The following IGSF23 variants were observed in gnomAD, a reference collection of about 807,000 sequenced individuals.
IGSF23 encodes the protein immunoglobulin superfamily, member 23.
IGSF23 carries 14 observed loss-of-function variants against 17.8 expected under a neutral mutation model. That is an observed-to-expected ratio of 0.79 (90% CI 0.52 to 1.23). The LOEUF is 1.23. IGSF23 is among the 50% of genes most tolerant of loss of function. The pLI is 0.00. For missense variants in IGSF23, 214 were observed against 241.7 expected (o/e 0.89, Z 0.76); for synonymous variants, 85 against 92.5 (o/e 0.92, Z 0.46).
At chr19:44,632,235 T>C (rs1972783664) in intron 3 of IGSF23, 1 of 228,056 alleles carries the variant, frequency 4.4e-6, no homozygotes, top group Admixed American at 5.4e-5. Context: ...TGTCATAGAG[T>C]GATTACATCC....
At chr19:44,631,217 T>C (rs1972759157) in intron 3 of IGSF23, among the ~76,000 whole-genome samples, 2 of 152,096 alleles carry the variant, frequency 1.3e-5, no homozygotes, top group Non-Finnish European at 2.9e-5. Context: ...CAGTGAGCCA[T>C]TATTGCTCTA....
chr19:44,634,296 C>G (rs1278403335), intron 3 of IGSF23, among the ~76,000 whole-genome samples: 1 of 152,152 alleles, frequency 6.6e-6, no homozygotes, highest in East Asian at 1.9e-4. Context: ...CAGTGTTTTC[C>G]TTTTTTACAT....
At chr19:44,632,243 T>C (rs1385252744) in intron 3 of IGSF23, 1 of 212,686 alleles carries the variant, frequency 4.7e-6, no homozygotes, top group Non-Finnish European at 9.5e-6. Flanking sequence ...AGTGATTACA[T>C]CCAGGCATTA....
intron 4 of IGSF23, among the ~76,000 whole-genome samples, chr19:44,635,849 A>T (rs1216442662): frequency 6.6e-6 from 1 of 152,246 alleles, no homozygotes; most frequent in Non-Finnish European, 1.5e-5. Context: ...CTGCCTCCCC[A>T]AAATTCACTG....
At chr19:44,629,533 G>T (rs1972722157) in intron 3 of IGSF23, among the ~76,000 whole-genome samples, 1 of 151,800 alleles carries the variant, frequency 6.6e-6, no homozygotes, top group Non-Finnish European at 1.5e-5. Context: ...CCACACTCCA[G>T]CCTGCTTGAC....
intron 4 of IGSF23, 101 bp downstream of exon 4, chr19:44,635,566 G>T: frequency 1.2e-6 from 1 of 802,142 alleles, no homozygotes; most frequent in Admixed American, 2.5e-5. Context: ...TGGTTCCCTG[G>T]TCATTTGTCT....
At chr19:44,629,773 A>T (rs1449809802) in intron 3 of IGSF23, among the ~76,000 whole-genome samples, 1 of 151,466 alleles carries the variant, frequency 6.6e-6, no homozygotes, top group Non-Finnish European at 1.5e-5. Flanking sequence ...AGCTGGGACT[A>T]CAGGCGGGCA....
At chr19:44,626,600 A>G (rs1053001156) in intron 2 of IGSF23, among the ~76,000 whole-genome samples, 36 of 152,292 alleles carry the variant, frequency 2.4e-4, no homozygotes, top group African/African-American at 8.7e-4. Flanking sequence ...ACCTGAGCTG[A>G]GAATTATGCT....
chr19:44,614,030 A>G (rs1408202439), intron 1 of IGSF23: 1 of 1,451,856 alleles, frequency 6.9e-7, no homozygotes, highest in African/African-American at 1.4e-5. Flanking sequence ...GGCCAGGGAC[A>G]AGGAGGAGAG....
Position 44,634,022 on chromosome 19 carries a change from T to C in IGSF23, c.546-1379T>C, listed in dbSNP as rs539159088. On this transcript the variant is annotated intron_variant, in intron 3 of 4. Transcript: ENST00000402988. The stretch of plus-strand genomic sequence containing the variant: ...AACTAGACCTTCCTAAAAGTAATCC[T>C]ATTGTCCCCGCTAACAAGGGTCCAC... Among the ~76,000 whole-genome samples, 729 of 152,342 alleles carry C rather than the reference T, an allele frequency of 4.8e-3. 2 individuals carry two copies. The highest frequency in any genetic ancestry group is 8.8e-3 in the Non-Finnish European group (597 of 68,020).
chr19:44,620,126 G>A (rs980167421), intron 1 of IGSF23, among the ~76,000 whole-genome samples: 30 of 151,896 alleles, frequency 2.0e-4, no homozygotes, highest in Admixed American at 1.5e-3. Flanking sequence ...AAAATTAGCC[G>A]GGCATAGTGG....
rs1178453957 is a variant in IGSF23, at chr19:44,636,413, C to T, written c.*32-6C>T. 6.6e-6 allele frequency: 1 copy of T among 152,152 alleles called. No homozygotes were observed. The highest frequency in any genetic ancestry group is 1.5e-5 in the Non-Finnish European group (1 of 68,032). 9.4% of individuals were successfully genotyped at this position (152,152 alleles called of 1,614,324 possible). ...GGAATTTACAGTTCTCTGTCTCTCT[C>T]TGCAGATGGGTGCTTTGTACCTCTC... On this transcript the variant is annotated splice_region_variant and splice_polypyrimidine_tract_variant and intron_variant, in intron 4 of 4. Coordinates refer to ENST00000402988, the MANE Select transcript of IGSF23 (RefSeq NM_001205280.2).
At chr19:44,629,160 T>C (rs1348189602) in intron 3 of IGSF23, among the ~76,000 whole-genome samples, 3 of 152,188 alleles carry the variant, frequency 2.0e-5, no homozygotes, top group African/African-American at 7.2e-5. Flanking sequence ...GCTTTTGCTC[T>C]GAGTGAGATG....
At chr19:44,619,443 C>A (rs1972461710) in intron 1 of IGSF23, among the ~76,000 whole-genome samples, 1 of 152,190 alleles carries the variant, frequency 6.6e-6, no homozygotes, top group African/African-American at 2.4e-5. Flanking sequence ...ATTTTTATCA[C>A]CTGGACTCAA....
At chr19:44,625,813 T>C (rs985684927) in intron 2 of IGSF23, among the ~76,000 whole-genome samples, 5 of 152,116 alleles carry the variant, frequency 3.3e-5, no homozygotes, top group Non-Finnish European at 1.5e-5. Flanking sequence ...AACTGAATCA[T>C]GGGGTCAAGT....
At chr19:44,622,300 A>T (rs1377903437) in intron 1 of IGSF23, among the ~76,000 whole-genome samples, 1 of 151,856 alleles carries the variant, frequency 6.6e-6, no homozygotes, top group African/African-American at 2.4e-5. Flanking sequence ...TTCAAGGCTT[A>T]ACTCAGACAC....
At chr19:44,635,005 AC>A (rs1972855650) in intron 3 of IGSF23, among the ~76,000 whole-genome samples, 2 of 152,142 alleles carry the variant, frequency 1.3e-5, no homozygotes, top group Admixed American at 6.5e-5. Flanking sequence ...AATGCTACAG[AC>A]CGGGGGGGCT....
At chr19:44,617,770 G>A (rs775260937) in intron 1 of IGSF23, among the ~76,000 whole-genome samples, 10 of 152,122 alleles carry the variant, frequency 6.6e-5, no homozygotes, top group Non-Finnish European at 1.2e-4. Flanking sequence ...TATGGAGAGA[G>A]ACACTCAACA....
chr19:44,613,880 T>C (rs1272239432), intron 1 of IGSF23, 110 bp downstream of exon 1: 20 of 1,548,656 alleles, frequency 1.3e-5, no homozygotes, highest in Non-Finnish European at 1.7e-5. Context: ...GAAGACCCCA[T>C]GTGTGATGAG....
Sources: allele counts gnomAD v4.1 joint callset (sites outside exome capture counted in the v4.1 genomes callset), GRCh38; gene constraint gnomAD v4.1.1; transcripts MANE v1.5; gene names NCBI Gene and HGNC (gene_info 2026-07-23, HGNC 2026-07-21).